The following STAG1 variants were observed in gnomAD, a reference collection of about 807,000 sequenced individuals.
The protein encoded by STAG1 is STAG1 cohesin complex component, also known as cohesin subunit SA-1.
In STAG1, 26 loss-of-function variants were observed where a neutral mutation model predicts 170.9. The observed-to-expected ratio is 0.15, with a 90% CI of 0.11 to 0.21. STAG1 has a LOEUF of 0.21. Ranked by LOEUF, STAG1 falls within the 10% of genes least tolerant of loss-of-function variation. The probability of loss-of-function intolerance (pLI) is 1.00; values close to 1 mark genes in which losing one functional copy is unlikely to be tolerated. For missense variants in STAG1, 964 were observed against 1,509.5 expected (o/e 0.64, Z 5.99); for synonymous variants, 514 against 497.7 (o/e 1.03, Z -0.44).
At chr3:136,365,016 A>T (rs1696377046) in intron 25 of STAG1, among the ~76,000 whole-genome samples, 1 of 152,220 alleles carries the variant, frequency 6.6e-6, no homozygotes, top group Non-Finnish European at 1.5e-5. Flanking sequence ...TATGTACAAA[A>T]ATTGGAGGAA....
intron 4 of STAG1, among the ~76,000 whole-genome samples, chr3:136,576,713 G>T (rs1937473934): frequency 6.6e-6 from 1 of 152,150 alleles, no homozygotes. Context: ...TAAGCTCCCT[G>T]TAAGGTAAAC....
chr3:136,540,067 C>T (rs1413399611), intron 6 of STAG1, among the ~76,000 whole-genome samples: 1 of 151,734 alleles, frequency 6.6e-6, no homozygotes, highest in Non-Finnish European at 1.5e-5. Context: ...ATAAAGCTAA[C>T]CTCCTCAACT....
At chr3:136,600,531 C>T (rs1423741046) in intron 4 of STAG1, among the ~76,000 whole-genome samples, 1 of 152,048 alleles carries the variant, frequency 6.6e-6, no homozygotes, top group Non-Finnish European at 1.5e-5. Context: ...TATTATCTTG[C>T]TCTTTATTTT....
At chr3:136,365,440 G>C (rs1044236118) in intron 25 of STAG1, among the ~76,000 whole-genome samples, 1 of 152,132 alleles carries the variant, frequency 6.6e-6, no homozygotes, top group Non-Finnish European at 1.5e-5. Flanking sequence ...AAAGGTGCTA[G>C]AGGACAGAGA....
chr3:136,407,952 G>C (rs771434496), intron 21 of STAG1, among the ~76,000 whole-genome samples: 1 of 151,224 alleles, frequency 6.6e-6, no homozygotes, highest in Non-Finnish European at 1.5e-5. Context: ...AGTATAACTG[G>C]TGTACAATTC....
chr3:136,394,483 C>G (rs2087095062), intron 22 of STAG1, among the ~76,000 whole-genome samples: 1 of 152,154 alleles, frequency 6.6e-6, no homozygotes, highest in African/African-American at 2.4e-5. Context: ...CTGCAGCATT[C>G]TTTCTGGCAT....
chr3:136,399,810 A>C lies in STAG1; in HGVS notation c.2197-981T>G, dbSNP rs188136704. 2.0e-5 allele frequency among the ~76,000 whole-genome samples: 3 copies of C among 152,324 alleles called. No homozygotes were observed. In the East Asian group the frequency reaches 5.8e-4, roughly 29 times the overall value. ...AAGAGTTTTTCCTTATGTGTGTTAT[A>C]TCTCTCAATACTATCATATTAGAAA... On this transcript the variant is annotated intron_variant, in intron 21 of 33. Transcript: ENST00000383202.
chr3:136,526,973 G>A (rs1070228), intron 6 of STAG1, among the ~76,000 whole-genome samples: 51,867 of 152,114 alleles, frequency 0.34, 11,227 homozygotes, highest in East Asian at 0.81. Context: ...CTGTTAGTCT[G>A]ATGGGCTTCC....
chr3:136,566,331 A>G (rs1230914056), intron 5 of STAG1, among the ~76,000 whole-genome samples: 4 of 152,206 alleles, frequency 2.6e-5, no homozygotes, highest in Non-Finnish European at 5.9e-5. Context: ...GTATTCTGCA[A>G]TGTGGAAGAG....
intron 12 of STAG1, among the ~76,000 whole-genome samples, chr3:136,468,973 G>C (rs552593065): frequency 6.6e-6 from 1 of 152,250 alleles, no homozygotes; most frequent in Non-Finnish European, 1.5e-5. Context: ...ATTAGGTATT[G>C]ATGGGACGTA....
chr3:136,599,923 T>C (rs1938592277), intron 4 of STAG1, among the ~76,000 whole-genome samples: 1 of 152,220 alleles, frequency 6.6e-6, no homozygotes, highest in South Asian at 2.1e-4. Context: ...TCCCCTCTTA[T>C]GTTTCTGTCA....
intron 1 of STAG1, among the ~76,000 whole-genome samples, chr3:136,682,738 G>C (rs1207876990): frequency 1.3e-5 from 2 of 151,946 alleles, no homozygotes; most frequent in African/African-American, 4.8e-5. Flanking sequence ...ATTAAAGAAG[G>C]CACCAATGAT....
intron 23 of STAG1, among the ~76,000 whole-genome samples, chr3:136,372,816 T>A (rs182818929): frequency 6.6e-6 from 1 of 152,188 alleles, no homozygotes; most frequent in African/African-American, 2.4e-5. Flanking sequence ...TCTCTTTTTT[T>A]GTTGTGTCTC....
intron 12 of STAG1, among the ~76,000 whole-genome samples, chr3:136,465,269 G>T: frequency 6.7e-6 from 1 of 148,426 alleles, no homozygotes; most frequent in South Asian, 2.1e-4. Context: ...AACTAGGCTG[G>T]AGTACAACAC....
At chr3:136,413,854 T>C (rs993471554) in intron 21 of STAG1, among the ~76,000 whole-genome samples, 21 of 152,078 alleles carry the variant, frequency 1.4e-4, no homozygotes, top group Admixed American at 1.4e-3. Flanking sequence ...AATACATAGG[T>C]GTACCCTGAA....
At chr3:136,471,805 G>C (rs1338096209) in intron 12 of STAG1, among the ~76,000 whole-genome samples, 1 of 151,988 alleles carries the variant, frequency 6.6e-6, no homozygotes, top group Non-Finnish European at 1.5e-5. Flanking sequence ...GTCCCTTTGA[G>C]GGTTCTTCCT....
In STAG1 at chr3:136,471,631, G is replaced by A. The variant is rs574128681; in HGVS notation, c.1205+782C>T. 3.3e-5 allele frequency among the ~76,000 whole-genome samples: 5 copies of A among 152,232 alleles called. No homozygotes were observed. The East Asian group carries it at 7.7e-4, about 23-fold the overall frequency. ...GGATTTGTTATGTATGACTTTGCTA[G>A]GATATATTCTCTCACATAGATTCTT... On this transcript the variant is annotated intron_variant, in intron 12 of 33. Coordinates refer to ENST00000383202, the MANE Select transcript of STAG1 (RefSeq NM_005862.3).
At chr3:136,526,597 T>G (rs1576567882) in intron 6 of STAG1, among the ~76,000 whole-genome samples, 2 of 152,192 alleles carry the variant, frequency 1.3e-5, no homozygotes, top group East Asian at 3.8e-4. Context: ...CCATTTACAT[T>G]TAAGGTTAAT....
intron 9 of STAG1, among the ~76,000 whole-genome samples, chr3:136,477,871 A>C (rs1005868158): frequency 6.6e-6 from 1 of 152,066 alleles, no homozygotes; most frequent in African/African-American, 2.4e-5. Flanking sequence ...GCTGACTGCA[A>C]CCTCTGCCTC....
Sources: allele counts gnomAD v4.1 joint callset (sites outside exome capture counted in the v4.1 genomes callset), GRCh38; gene constraint gnomAD v4.1.1; transcripts MANE v1.5; gene names NCBI Gene and HGNC (gene_info 2026-07-23, HGNC 2026-07-21).